The following CTNNA3 variants were observed in gnomAD, a reference collection of about 807,000 sequenced individuals.
CTNNA3 encodes catenin alpha 3.
In CTNNA3, 76 loss-of-function variants were observed where a neutral mutation model predicts 95.7. The observed-to-expected ratio is 0.79, with a 90% confidence interval of 0.66 to 0.96. The LOEUF (loss-of-function observed/expected upper bound fraction) is 0.96. Ranked by LOEUF, CTNNA3 falls within the 40% of genes least tolerant of loss-of-function variation. CTNNA3 has a pLI of 0.00. For missense variants in CTNNA3, 1,191 were observed against 1,089.8 expected (o/e 1.09, Z -1.31); for synonymous variants, 431 against 374.4 (o/e 1.15, Z -1.74).
chr10:66,133,312 C>T (rs1231197265), intron 13 of CTNNA3, among the ~76,000 whole-genome samples: 5 of 151,926 alleles, frequency 3.3e-5, no homozygotes, highest in African/African-American at 9.7e-5. Context: ...GTCAGGAGTT[C>T]GAAACCAGCC....
intron 7 of CTNNA3, among the ~76,000 whole-genome samples, chr10:67,039,911 A>C (rs1854290224): frequency 6.6e-6 from 1 of 152,110 alleles, no homozygotes; most frequent in African/African-American, 2.4e-5. Context: ...ATGTCTTAGA[A>C]GTTTTGGAGA....
chr10:67,114,273 A>G (rs1859059333), intron 7 of CTNNA3, among the ~76,000 whole-genome samples: 1 of 152,064 alleles, frequency 6.6e-6, no homozygotes, highest in East Asian at 1.9e-4. Context: ...AAAATTTTGG[A>G]ATATAAGGCC....
At chr10:67,275,018 T>C (rs1839134783) in intron 5 of CTNNA3, among the ~76,000 whole-genome samples, 1 of 151,892 alleles carries the variant, frequency 6.6e-6, no homozygotes, top group African/African-American at 2.4e-5. Flanking sequence ...CAAATCTCAA[T>C]TTGAAGAATC....
intron 7 of CTNNA3, among the ~76,000 whole-genome samples, chr10:67,049,849 A>AAT (rs1290182537): frequency 6.6e-6 from 1 of 152,224 alleles, no homozygotes; most frequent in Non-Finnish European, 1.5e-5. Flanking sequence ...CAAATATAGT[A>AAT]ATATATACAC....
rs563838509 is a variant in CTNNA3 at position 66,950,091 on chromosome 10, C to T, written c.1048-174567G>A. 7.2e-5 allele frequency among the ~76,000 whole-genome samples: 11 copies of T among 152,276 alleles called. No homozygotes were observed. The East Asian group carries it at 2.1e-3, about 29-fold the overall frequency. On this transcript the variant is annotated intron_variant, in intron 7 of 17. Coordinates refer to ENST00000433211, the MANE Select transcript of CTNNA3 (RefSeq NM_013266.4). ...ATGATTTACCACTCTTTGAACGTCT[C>T]CTTCAGGGTCTATCTCTAATTTGCT...
chr10:65,952,963 A>G (rs1181653244), intron 17 of CTNNA3, among the ~76,000 whole-genome samples: 2 of 152,228 alleles, frequency 1.3e-5, no homozygotes, highest in Non-Finnish European at 2.9e-5. Context: ...TTACATAATT[A>G]ATCAGTCTTG....
intron 5 of CTNNA3, among the ~76,000 whole-genome samples, chr10:67,292,560 G>C (rs1839879960): frequency 6.6e-6 from 1 of 151,854 alleles, no homozygotes; most frequent in Admixed American, 6.6e-5. Flanking sequence ...TCCATAATTA[G>C]TCCCCCTCCC....
intron 9 of CTNNA3, among the ~76,000 whole-genome samples, chr10:66,749,009 C>CAAAA (rs61130950): frequency 7.2e-6 from 1 of 138,260 alleles, no homozygotes; most frequent in Non-Finnish European, 1.6e-5. Context: ...CCATCTCTTC[C>CAAAA]AAAAAAAAAA....
intron 7 of CTNNA3, among the ~76,000 whole-genome samples, chr10:66,974,341 T>C (rs1446910046): frequency 6.6e-6 from 1 of 152,240 alleles, no homozygotes; most frequent in African/African-American, 2.4e-5. Context: ...TCATTCATTT[T>C]AATTGCTGAG....
intron 9 of CTNNA3, among the ~76,000 whole-genome samples, chr10:66,703,003 T>A (rs948293286): frequency 6.6e-6 from 1 of 152,170 alleles, no homozygotes; most frequent in African/African-American, 2.4e-5. Context: ...AGAATTGGAA[T>A]CTCATTATTG....
chr10:67,739,116 G>C (rs571091166), intron 1 of CTNNA3, among the ~76,000 whole-genome samples: 1 of 152,268 alleles, frequency 6.6e-6, no homozygotes, highest in South Asian at 2.1e-4. Context: ...TCCTGGAGAA[G>C]AGCAACTCCA....
At position 66,161,945 on chromosome 10, in the gene CTNNA3, T is replaced by G. The variant is rs56302506; in HGVS notation, c.1885-58696A>C. On this transcript the variant is annotated intron_variant, in intron 13 of 17. Transcript: ENST00000433211. The stretch of plus-strand genomic sequence containing the variant: ...GATGGATTGGGTTAATTCAAAGACC[T>G]TGTCTTTCAGCTCTGAATTTCTTTA... Among the ~76,000 whole-genome samples the G allele has an allele frequency of 8.5e-4, 129 of 152,260 alleles. 1 individual carries two copies. Among genetic ancestry groups the G allele is most frequent in the African/African-American group, 2.9e-3 (121 of 41,570 alleles).
chr10:66,551,078 A>C (rs543962716), intron 10 of CTNNA3, among the ~76,000 whole-genome samples: 1 of 152,048 alleles, frequency 6.6e-6, no homozygotes, highest in African/African-American at 2.4e-5. Flanking sequence ...ACCCTTTCCA[A>C]TTGTTCTCAA....
chr10:66,338,691 G>A (rs2092422434), intron 12 of CTNNA3, among the ~76,000 whole-genome samples: 1 of 151,856 alleles, frequency 6.6e-6, no homozygotes, highest in Non-Finnish European at 1.5e-5. Flanking sequence ...AAAGATCAGG[G>A]AGGCAGGTTG....
intron 9 of CTNNA3, among the ~76,000 whole-genome samples, chr10:66,702,057 G>C (rs1847960773): frequency 6.6e-6 from 1 of 151,986 alleles, no homozygotes; most frequent in African/African-American, 2.4e-5. Context: ...GAACTTATAA[G>C]CTACTGATAA....
intron 10 of CTNNA3, among the ~76,000 whole-genome samples, chr10:66,539,732 G>A (rs981996036): frequency 1.3e-5 from 2 of 152,188 alleles, no homozygotes; most frequent in Non-Finnish European, 1.5e-5. Context: ...TGCATAAGAA[G>A]TTTAGGGTTC....
intron 6 of CTNNA3, among the ~76,000 whole-genome samples, chr10:67,193,654 C>T (rs1316004138): frequency 1.3e-5 from 2 of 152,020 alleles, no homozygotes; most frequent in African/African-American, 4.8e-5. Flanking sequence ...ATCCATGTTC[C>T]TGCAAAGGAC....
At chr10:66,985,978 G>C (rs1460329849) in intron 7 of CTNNA3, among the ~76,000 whole-genome samples, 3 of 152,024 alleles carry the variant, frequency 2.0e-5, no homozygotes, top group African/African-American at 7.3e-5. Context: ...CTCTGGCCTT[G>C]GCCTCCAAAA....
chr10:67,128,890 GA>G (rs1453176766), intron 7 of CTNNA3, among the ~76,000 whole-genome samples: 1 of 152,088 alleles, frequency 6.6e-6, no homozygotes, highest in East Asian at 1.9e-4. Flanking sequence ...CATCTAGTAA[GA>G]TTTTTTTCCT....
Sources: gnomAD v4.1 joint callset for allele counts (sites outside exome capture counted in the v4.1 genomes callset) on GRCh38, gnomAD v4.1.1 for gene constraint, MANE v1.5 for transcripts, NCBI Gene and HGNC (gene_info 2026-07-23, HGNC 2026-07-21) for gene names.